CIAO2B: variants seen among roughly 807,000 people sequenced by gnomAD.
CIAO2B encodes cytosolic iron-sulfur assembly component 2B.
Under a neutral mutation model 16.4 loss-of-function variants are expected in CIAO2B, and 20 were observed. That is an observed-to-expected ratio of 1.22 (90% CI 0.86 to 1.77). The LOEUF (loss-of-function observed/expected upper bound fraction) is 1.77. Ranked by LOEUF, CIAO2B falls within the 40% of genes most tolerant of loss-of-function variation. The pLI is 0.00. For synonymous variants in CIAO2B, 106 were observed against 90.4 expected (o/e 1.17, Z -0.98); for missense variants, 215 against 222.4 (o/e 0.97, Z 0.21).
intron 3 of CIAO2B, among the ~76,000 whole-genome samples, chr16:66,933,291 A>C (rs776374377): frequency 1.3e-5 from 2 of 152,242 alleles, no homozygotes; most frequent in Middle Eastern, 3.4e-3. Context: ...GCCCGGCCCT[A>C]GCTATTCCAA....
At chr16:66,933,309 C>A (rs1424416920) in intron 3 of CIAO2B, among the ~76,000 whole-genome samples, 1 of 152,178 alleles carries the variant, frequency 6.6e-6, no homozygotes, top group Non-Finnish European at 1.5e-5. Context: ...CAATTCTATC[C>A]AAAGAACTGG....
rs751244375 is a variant in CIAO2B at position 66,934,337 on chromosome 16, C to T, written c.28G>A (p.Gly10Ser). ...AGGGGGTTGGCATTCTCCAGGAGGC[C>T]GCCGCCGACCCCGCCGCCGCCTACC... is the stretch of plus-strand genomic sequence containing the variant. Reference protein sequence around the residue: MVGGGGVGGGLLENANPLIY... With the variant: MVGGGGVGGSLLENANPLIY... The change falls in exon 1 of 5, where the codon GGC becomes AGC. Residue 10 changes from glycine to serine, a missense_variant. Coordinates refer to ENST00000422424, the MANE Select transcript of CIAO2B (RefSeq NM_016062.4). The surrounding 1 kb of genome is among the most constrained non-coding windows in gnomAD (Gnocchi z 4.1). 95 of 1,581,858 alleles carry T rather than the reference C, an allele frequency of 6.0e-5. No individual in the cohort carries two copies. Among genetic ancestry groups the T allele is most frequent in the Admixed American group, 7.2e-5 (4 of 55,480 alleles).
chr16:66,934,395 C>G lies in CIAO2B; in HGVS notation c.-31G>C, dbSNP rs775565018. On this transcript the variant is annotated 5_prime_UTR_variant, in exon 1 of 5. Coordinates refer to ENST00000422424, the MANE Select transcript of CIAO2B (RefSeq NM_016062.4). This position sits in a 1 kb window ranked among gnomAD's most constrained non-coding sequence, Gnocchi z 4.1. Reference sequence around the variant, plus strand: ...AACCACCACCGCTGATCCTAGCAGGCGTGCGCTTCCGCTCCAACCCGCGCA... The same window carrying G: ...AACCACCACCGCTGATCCTAGCAGGGGTGCGCTTCCGCTCCAACCCGCGCA... The G allele has an allele frequency of 2.7e-6, 4 of 1,486,602 alleles. No individual in the cohort carries two copies. The highest frequency in any genetic ancestry group is 2.8e-5 in the African/African-American group (2 of 71,472). 92.1% of individuals were successfully genotyped at this position (1,486,602 alleles called of 1,614,324 possible).
Position 66,934,159 on chromosome 16 carries a change from C to A in CIAO2B, c.142+64G>T. The A allele has an allele frequency of 6.2e-7, 1 of 1,610,600 alleles. No individual in the cohort carries two copies. Among genetic ancestry groups the A allele is most frequent in the Non-Finnish European group, 8.5e-7 (1 of 1,178,742 alleles). Reference sequence around the variant, plus strand: ...CTGGGATGCGGCTCCACCAGCTGCTCGATATCACTGCTCCCCCCACCGCAA... The same window carrying A: ...CTGGGATGCGGCTCCACCAGCTGCTAGATATCACTGCTCCCCCCACCGCAA... On this transcript the variant is annotated intron_variant, in intron 1 of 4. Coordinates refer to ENST00000422424, the MANE Select transcript of CIAO2B (RefSeq NM_016062.4). The surrounding 1 kb of genome is among the most constrained non-coding windows in gnomAD (Gnocchi z 4.1).
rs746699790 is a variant in CIAO2B, at chr16:66,934,251, G to T, written c.114C>A (p.Pro38=). ...VTAGEEDEQV[P]DSIDAREIFD... is the part of the protein sequence containing the mutation. Reference sequence around the variant, plus strand: ...AGATCTCGCGTGCGTCGATGCTGTCGGGAACCTGCTCGTCCTCCTCGCCTG... The same window carrying T: ...AGATCTCGCGTGCGTCGATGCTGTCTGGAACCTGCTCGTCCTCCTCGCCTG... Residue 38 remains proline, a synonymous_variant, in exon 1 of 5, where the codon CCC becomes CCA. Coordinates refer to ENST00000422424, the MANE Select transcript of CIAO2B (RefSeq NM_016062.4). This position sits in a 1 kb window ranked among gnomAD's most constrained non-coding sequence, Gnocchi z 4.1. 4 of 1,609,870 alleles carry T rather than the reference G, an allele frequency of 2.5e-6. No individual in the cohort carries two copies. The South Asian group carries it at 4.4e-5, about 18-fold the overall frequency.
chr16:66,932,657 T>G, intron 4 of CIAO2B, 123 bp downstream of exon 4: 1 of 1,192,318 alleles, frequency 8.4e-7, no homozygotes, highest in Non-Finnish European at 1.2e-6. Context: ...GAGGAGTCTC[T>G]GGCAATTTCA....
At position 66,934,214 on chromosome 16, in the gene CIAO2B, G is replaced by A. The variant is rs369698544; in HGVS notation, c.142+9C>T. 1.1e-4 allele frequency: 184 copies of A among 1,608,440 alleles called. No individual in the cohort carries two copies. The highest frequency in any genetic ancestry group is 1.5e-4 in the Non-Finnish European group (176 of 1,177,880). Reference sequence around the variant, plus strand: ...CCGGAACCCGCCCGCGCCCAGCAGCGGCGGATATCGAAGATCTCGCGTGCG... The same window carrying A: ...CCGGAACCCGCCCGCGCCCAGCAGCAGCGGATATCGAAGATCTCGCGTGCG... On this transcript the variant is annotated intron_variant, in intron 1 of 4. Transcript: ENST00000422424. This position sits in a 1 kb window ranked among gnomAD's most constrained non-coding sequence, Gnocchi z 4.1.
intron 4 of CIAO2B, 181 bp from the exon 5 acceptor site, chr16:66,932,481 C>G (rs1481407257): frequency 6.9e-6 from 5 of 723,028 alleles, no homozygotes; most frequent in Non-Finnish European, 1.2e-5. Flanking sequence ...CTGAGCCCAC[C>G]TAATCTGCCT....
intron 2 of CIAO2B, 37 bp from the exon 3 acceptor site, chr16:66,933,776 C>T: frequency 6.4e-7 from 1 of 1,550,476 alleles, no homozygotes; most frequent in Non-Finnish European, 8.7e-7. Flanking sequence ...GTCAACCACC[C>T]TCAGCCCAAG....
chr16:66,932,893 A>G, intron 3 of CIAO2B, 68 bp from the exon 4 acceptor site: 3 of 1,526,878 alleles, frequency 2.0e-6, no homozygotes, highest in Non-Finnish European at 2.7e-6. Flanking sequence ...CAGCCCCCAG[A>G]CCCTCAGGCA....
intron 4 of CIAO2B, 98 bp downstream of exon 4, chr16:66,932,682 C>G (rs1417703133): frequency 1.5e-6 from 2 of 1,378,460 alleles, no homozygotes; most frequent in African/African-American, 2.9e-5. Flanking sequence ...CACAGTTACC[C>G]ATCTCCAGTC....
intron 3 of CIAO2B, 123 bp from the exon 4 acceptor site, chr16:66,932,948 G>A: frequency 9.3e-7 from 1 of 1,070,508 alleles, no homozygotes; most frequent in Non-Finnish European, 1.4e-6. Context: ...TTTGGACTCT[G>A]GCCCTTCCGT....
At chr16:66,932,601 G>C in intron 4 of CIAO2B, 179 bp downstream of exon 4, 1 of 773,288 alleles carries the variant, frequency 1.3e-6, no homozygotes, top group Non-Finnish European at 2.3e-6. Context: ...GGTAAGCAAA[G>C]GAGAGTCTTC....
At position 66,932,209 on chromosome 16, in the gene CIAO2B, G is replaced by A. The variant is rs937407180; in HGVS notation, c.486C>T (p.Arg162=). 5.0e-6 allele frequency: 8 copies of A among 1,611,866 alleles called. No homozygotes were observed. Among genetic ancestry groups the A allele is most frequent in the East Asian group, 2.2e-5 (1 of 44,848 alleles). ...GAGGGGTCAAAGGCCAGGCTCAGGA[G>A]CGGGCTGACAGGCACTGATTCACAA... ...LEVVNQCLSA[R]S is the part of the protein sequence containing the mutation. The change falls in exon 5 of 5, where the codon CGC becomes CGT. Residue 162 remains arginine, a synonymous_variant. Transcript: ENST00000422424.
chr16:66,932,887 C>T (rs1963086474), intron 3 of CIAO2B, 62 bp from the exon 4 acceptor site: 20 of 1,571,902 alleles, frequency 1.3e-5, no homozygotes, highest in Non-Finnish European at 1.7e-5. Context: ...TCCCTGCAGC[C>T]CCCAGACCCT....
At position 66,933,628 on chromosome 16, in the gene CIAO2B, G is replaced by C. The variant is rs1478522083; in HGVS notation, c.334C>G (p.Pro112Ala). Reference protein sequence around the residue: ...SIKVKLLRSLPQRFKMDVHIT... With the variant: ...SIKVKLLRSLAQRFKMDVHIT... ...CTCCAACTGACCTTGAAACGCTGAG[G>C]AAGGGAGCGCAGAAGCTTGACCTTG... The change falls in exon 3 of 5, where the codon CCT becomes GCT. Residue 112 changes from proline to alanine, a missense_variant. Pro to Ala is a conservative substitution (Grantham distance 27). Coordinates refer to ENST00000422424, the MANE Select transcript of CIAO2B (RefSeq NM_016062.4). The C allele has an allele frequency of 6.2e-7, 1 of 1,609,808 alleles. No homozygotes were observed. The highest frequency in any genetic ancestry group is 1.1e-5 in the South Asian group (1 of 90,106).
chr16:66,934,018 T>C lies in CIAO2B; in HGVS notation c.191A>G (p.Glu64Gly). Residue 64 changes from glutamate (E) to glycine (G), a missense_variant, in exon 2 of 5, where the codon GAG becomes GGG. Physicochemically the swap from Glu to Gly is moderately conservative, Grantham distance 98. Transcript: ENST00000422424. The surrounding 1 kb of genome is among the most constrained non-coding windows in gnomAD (Gnocchi z 4.1). ...CCGCACCTGCTCTACTACGTTCAAC[T>C]CCTCTAGCGTCAGTGGATGCTCCGG... is the stretch of plus-strand genomic sequence containing the variant. Reference protein sequence around the residue: ...NDPEHPLTLEELNVVEQVRVQ... With the variant: ...NDPEHPLTLEGLNVVEQVRVQ... 1 of 1,613,670 alleles carries C rather than the reference T, an allele frequency of 6.2e-7. No individual in the cohort carries two copies. Among genetic ancestry groups the C allele is most frequent in the Non-Finnish European group, 8.5e-7 (1 of 1,179,832 alleles).
At position 66,932,256 on chromosome 16, in the gene CIAO2B, C is replaced by T; in HGVS notation, c.439G>A (p.Glu147Lys). ...ADKERVAAALENTHLLEVVNQ... is the reference protein window; with the variant it reads ...ADKERVAAALKNTHLLEVVNQ... The stretch of plus-strand genomic sequence containing the variant: ...ACAACCTCCAAGAGGTGGGTGTTCT[C>T]CAGGGCAGCTGCCACCCGCTCCTTA... Residue 147 changes from glutamate (E) to lysine (K), a missense_variant, in exon 5 of 5, where the codon GAG (glutamate) becomes AAG (lysine). Transcript: ENST00000422424. 6.2e-7 allele frequency: 1 copy of T among 1,613,858 alleles called. No homozygotes were observed. The highest frequency in any genetic ancestry group is 8.5e-7 in the Non-Finnish European group (1 of 1,179,848).
In CIAO2B at chr16:66,932,262, C is replaced by T; in HGVS notation, c.433G>A (p.Ala145Thr). ...TCCAAGAGGTGGGTGTTCTCCAGGG[C>T]AGCTGCCACCCGCTCCTTATCTGCA... ...QLADKERVAA[A>T]LENTHLLEVV... Residue 145 changes from alanine (A) to threonine (T), a missense_variant, in exon 5 of 5, where the codon GCC becomes ACC. Ala to Thr is a moderately conservative substitution (Grantham distance 58). Transcript: ENST00000422424. The T allele has an allele frequency of 6.2e-7, 1 of 1,613,878 alleles. No individual in the cohort carries two copies. Among genetic ancestry groups the T allele is most frequent in the East Asian group, 2.2e-5 (1 of 44,884 alleles).
Sources: gnomAD v4.1 joint callset for allele counts (sites outside exome capture counted in the v4.1 genomes callset) on GRCh38, gnomAD v4.1.1 for gene constraint, Gnocchi (gnomAD v3.1) non-coding constraint, MANE v1.5 for transcripts, NCBI Gene and HGNC (gene_info 2026-07-23, HGNC 2026-07-21) for gene names.